Variants in LRRC49 observed in about 807,000 individuals in gnomAD.
The protein encoded by LRRC49 is leucine rich repeat containing 49, also known as leucine-rich repeat-containing protein 49.
In LRRC49, 50 loss-of-function variants were observed where a neutral mutation model predicts 83.3. The observed-to-expected ratio is 0.60, with a 90% CI of 0.48 to 0.76. The LOEUF (loss-of-function observed/expected upper bound fraction) is 0.76. Ranked by LOEUF, LRRC49 falls within the 30% of genes least tolerant of loss-of-function variation. The pLI is 0.00. For missense variants in LRRC49, 704 were observed against 809.1 expected, an observed-to-expected ratio of 0.87 and a Z score of 1.58; for synonymous variants, 286 against 283.3, an observed-to-expected ratio of 1.01 and a Z score of -0.10.
rs556638092 is a variant in LRRC49 at position 70,934,252 on chromosome 15, C to T, written c.712-2509C>T. 1.4e-4 allele frequency among the ~76,000 whole-genome samples: 21 copies of T among 152,140 alleles called. No homozygotes were observed. In the East Asian group the frequency reaches 2.3e-3, roughly 17 times the overall value. ...GCATAGATAATTGATACGGTAAATA[C>T]GGTGTTTTCTTTTTGTCTATTATAA... On this transcript the variant is annotated intron_variant, in intron 7 of 15. Coordinates refer to ENST00000260382, the MANE Select transcript of LRRC49 (RefSeq NM_017691.5).
intron 8 of LRRC49, among the ~76,000 whole-genome samples, chr15:70,950,958 GT>G (rs1243973037): frequency 6.6e-6 from 1 of 152,102 alleles, no homozygotes; most frequent in Non-Finnish European, 1.5e-5. Flanking sequence ...AAGGGGTCTG[GT>G]TTCAATCTTC....
intron 1 of LRRC49, among the ~76,000 whole-genome samples, chr15:70,869,179 C>A (rs561799835): frequency 6.6e-6 from 1 of 152,054 alleles, no homozygotes; most frequent in Non-Finnish European, 1.5e-5. Context: ...GGTCACAGAG[C>A]TTTATTTATC....
chr15:70,860,228 C>A (rs1216141216), intron 1 of LRRC49: 3 of 625,334 alleles, frequency 4.8e-6, no homozygotes, highest in Non-Finnish European at 8.5e-6. Flanking sequence ...GAGGAGGCCG[C>A]TGTGCATGGT....
rs1283526892 is a variant in LRRC49 at position 71,052,802 on chromosome 15, A to G, written c.*3190A>G. 2 of 152,206 alleles carry G rather than the reference A, an allele frequency of 1.3e-5. No individual in the cohort carries two copies. The highest frequency in any genetic ancestry group is 2.9e-5 in the Non-Finnish European group (2 of 68,044). 9.4% of individuals were successfully genotyped at this position (152,206 alleles called of 1,614,324 possible). The stretch of plus-strand genomic sequence containing the variant: ...GGGTATTTCAACCAATAAATAGTAG[A>G]CAGTACCCACATTCACTGTTAGTCT... On this transcript the variant is annotated 3_prime_UTR_variant, in exon 16 of 16. Coordinates refer to ENST00000260382, the MANE Select transcript of LRRC49 (RefSeq NM_017691.5).
At chr15:70,957,129 T>TGG (rs1164106381) in intron 8 of LRRC49, among the ~76,000 whole-genome samples, 2 of 152,248 alleles carry the variant, frequency 1.3e-5, no homozygotes, top group Non-Finnish European at 2.9e-5. Flanking sequence ...CACCACCCAT[T>TGG]CTTAGACCAA....
intron 3 of LRRC49, among the ~76,000 whole-genome samples, chr15:70,897,209 A>G (rs1012134192): frequency 1.3e-5 from 2 of 152,176 alleles, no homozygotes; most frequent in African/African-American, 4.8e-5. Flanking sequence ...TGGCCAGGCA[A>G]ACTTATTTAA....
intron 2 of LRRC49, chr15:70,882,687 C>A: frequency 6.2e-7 from 1 of 1,611,276 alleles, no homozygotes; most frequent in East Asian, 2.2e-5. Context: ...ATGAGTTAGA[C>A]TTTGCTTTTC....
intron 1 of LRRC49, chr15:70,853,573 C>G (rs895537703): frequency 2.3e-5 from 5 of 218,396 alleles, no homozygotes; most frequent in Non-Finnish European, 3.6e-5. Context: ...GAGGCCTCCT[C>G]CAGAGGAGGG....
At chr15:71,015,342 G>A (rs999669357) in intron 14 of LRRC49, among the ~76,000 whole-genome samples, 4 of 152,142 alleles carry the variant, frequency 2.6e-5, no homozygotes, top group African/African-American at 7.2e-5. Flanking sequence ...TGCCATGGAC[G>A]GTTGGGGCTA....
At chr15:70,954,730 C>T (rs1437183766) in intron 8 of LRRC49, among the ~76,000 whole-genome samples, 1 of 13,836 alleles carries the variant, frequency 7.2e-5, no homozygotes, top group African/African-American at 8.9e-5. Context: ...GATGCATGCT[C>T]TAACCCTGTG....
intron 1 of LRRC49, among the ~76,000 whole-genome samples, chr15:70,862,354 G>A (rs948360738): frequency 3.9e-5 from 6 of 152,076 alleles, no homozygotes; most frequent in Admixed American, 6.6e-5. Context: ...CGAGGCGGGC[G>A]TATCACAAGG....
At chr15:70,892,715 A>G (rs1398189609), upstream of LRRC49, 72 of 1,475,612 alleles carry the variant, frequency 4.9e-5, 2 homozygotes, top group East Asian at 6.4e-4. Context: ...GAATACAACT[A>G]GAAGCTGCAA....
At chr15:70,978,698 A>C (rs905430429) in intron 9 of LRRC49, among the ~76,000 whole-genome samples, 1 of 152,188 alleles carries the variant, frequency 6.6e-6, no homozygotes, top group African/African-American at 2.4e-5. Flanking sequence ...TTAATAAATT[A>C]CTGAACAGAC....
At chr15:70,883,004 T>A in intron 2 of LRRC49, 1 of 1,299,282 alleles carries the variant, frequency 7.7e-7, no homozygotes, top group Admixed American at 2.2e-5. Flanking sequence ...TAGCTGAAAA[T>A]TTTCAGTCAC....
chr15:70,874,579 A>G (rs568983250), intron 2 of LRRC49, among the ~76,000 whole-genome samples: 2 of 152,300 alleles, frequency 1.3e-5, no homozygotes, highest in Middle Eastern at 3.4e-3. Context: ...AGAAAATTCA[A>G]TCTCAGCTCT....
chr15:70,972,444 A>G (rs1022165734), intron 9 of LRRC49, among the ~76,000 whole-genome samples: 7 of 152,246 alleles, frequency 4.6e-5, no homozygotes, highest in African/African-American at 1.4e-4. Context: ...ACCTTGGTGT[A>G]TCTGATGATT....
chr15:70,963,863 G>T lies in LRRC49; in HGVS notation c.852G>T (p.Glu284Asp). 6.2e-7 allele frequency: 1 copy of T among 1,613,648 alleles called. No individual in the cohort carries two copies. The highest frequency in any genetic ancestry group is 2.2e-5 in the East Asian group (1 of 44,872). ...TTGATGGCAATCCCATAGCTCAAGA[G>T]TCATGGTACAAACACACTGTCCTTC... ...ITFDGNPIAQ[E>D]SWYKHTVLQN... The change falls in exon 9 of 16, where the codon GAG (glutamate) becomes GAT (aspartate). Residue 284 changes from glutamate (E) to aspartate (D), a missense_variant. By Grantham distance (45) the Glu-to-Asp change is conservative. Around this residue, in one of 3 missense-constraint regions of LRRC49, gnomAD observed 168 missense variants for 140.6 expected, o/e 1.20. Transcript: ENST00000260382.
rs1436338551 is a variant in LRRC49, at chr15:71,052,506, A to G, written c.*2894A>G. On this transcript the variant is annotated 3_prime_UTR_variant, in exon 16 of 16. Coordinates refer to ENST00000260382, the MANE Select transcript of LRRC49 (RefSeq NM_017691.5). ...ATCAGCTCCTCACTTCCTGAGCTTC[A>G]TTCCACTGAAGGCCTGGCATGTAAG... 1 of 152,244 alleles carries G rather than the reference A, an allele frequency of 6.6e-6. No homozygotes were observed. Among genetic ancestry groups the G allele is most frequent in the African/African-American group, 2.4e-5 (1 of 41,540 alleles). 9.4% of individuals were successfully genotyped at this position (152,244 alleles called of 1,614,324 possible). A position where few individuals can be genotyped will look rare whatever the true frequency, so the allele number is the denominator to read the frequency against.
rs1567052187 is a variant in LRRC49 at position 70,919,178 on chromosome 15, T to C, written c.696T>C (p.Asn232=). The C allele has an allele frequency of 1.2e-6, 2 of 1,611,586 alleles. No individual in the cohort carries two copies. The highest frequency in any genetic ancestry group is 2.7e-5 in the African/African-American group (2 of 74,828). ...TAACTGAACTTAACTTGCGACACAA[T>C]CAAATCACTTTCGTGGTGAGTATTA... is the stretch of plus-strand genomic sequence containing the variant. ...DSLTELNLRH[N]QITFVRDVDN... is the part of the protein sequence containing the mutation. Residue 232 remains asparagine (N), a synonymous_variant, in exon 7 of 16, where the codon AAT becomes AAC. Transcript: ENST00000260382.
Sources: allele counts gnomAD v4.1 joint callset (sites outside exome capture counted in the v4.1 genomes callset), GRCh38; gene constraint gnomAD v4.1.1; regional missense constraint gnomAD v4.1.1; transcripts MANE v1.5; gene names NCBI Gene and HGNC (gene_info 2026-07-23, HGNC 2026-07-21).